The following MRPS5 variants were observed in gnomAD, a reference collection of about 807,000 sequenced individuals.
MRPS5 encodes mitochondrial ribosomal protein S5.
Under a neutral mutation model 51.9 loss-of-function variants are expected in MRPS5, and 27 were observed. The observed-to-expected ratio is 0.52, with a 90% CI of 0.38 to 0.72. The LOEUF (loss-of-function observed/expected upper bound fraction) is 0.72, where lower values mean the gene tolerates loss of function less well. Ranked by LOEUF, MRPS5 falls within the 30% of genes least tolerant of loss-of-function variation. The pLI is 0.00. For missense variants in MRPS5, 570 were observed against 545.7 expected (o/e 1.04, Z -0.44); for synonymous variants, 196 against 193.2 (o/e 1.01, Z -0.12).
intron 11 of MRPS5, among the ~76,000 whole-genome samples, 192 bp from the exon 12 acceptor site, chr2:95,087,773 G>T (rs2104388894): frequency 6.6e-6 from 1 of 152,308 alleles, no homozygotes; most frequent in Admixed American, 6.5e-5. Flanking sequence ...CTCATCTGCT[G>T]CATCTGCCCA....
intron 11 of MRPS5, 35 bp downstream of exon 11, chr2:95,090,351 T>C (rs1439902078): frequency 6.2e-7 from 1 of 1,609,950 alleles, no homozygotes; most frequent in African/African-American, 1.3e-5. Context: ...AAATACAAAC[T>C]AGAACCTCTG....
intron 11 of MRPS5, 32 bp downstream of exon 11, chr2:95,090,353 GA>G: frequency 6.2e-7 from 1 of 1,610,238 alleles, no homozygotes; most frequent in Admixed American, 1.7e-5. Flanking sequence ...ATACAAACTA[GA>G]ACCTCTGTTT....
intron 1 of MRPS5, among the ~76,000 whole-genome samples, chr2:95,121,115 C>CA (rs1031214865): frequency 3.3e-5 from 5 of 151,466 alleles, no homozygotes; most frequent in East Asian, 1.9e-4. Flanking sequence ...AAGACTGTCT[C>CA]AAAAAAACAA....
At chr2:95,115,229 A>G (rs1676252724) in intron 2 of MRPS5, 26 bp from the exon 3 acceptor site, 7 of 1,531,528 alleles carry the variant, frequency 4.6e-6, no homozygotes, top group Non-Finnish European at 6.1e-6. Context: ...TTAAACTTTG[A>G]GTTAGATGTT....
chr2:95,119,381 G>C (rs906593275), intron 1 of MRPS5, among the ~76,000 whole-genome samples: 1 of 152,138 alleles, frequency 6.6e-6, no homozygotes, highest in Admixed American at 6.5e-5. Flanking sequence ...AGACTAAGGC[G>C]GGAGGACTGC....
chr2:95,090,282 G>T (rs1486638353), intron 11 of MRPS5, 104 bp downstream of exon 11: 2 of 1,167,200 alleles, frequency 1.7e-6, no homozygotes, highest in East Asian at 4.8e-5. Flanking sequence ...TCCTCAGGTG[G>T]CCCCAGGAAA....
intron 10 of MRPS5, among the ~76,000 whole-genome samples, chr2:95,096,512 T>C (rs903567465): frequency 1.3e-5 from 2 of 152,220 alleles, no homozygotes; most frequent in African/African-American, 4.8e-5. Flanking sequence ...GCTTTATTCC[T>C]GGGATGCAAG....
chr2:95,112,918 T>C (rs1003685363), intron 3 of MRPS5, among the ~76,000 whole-genome samples: 3 of 150,730 alleles, frequency 2.0e-5, no homozygotes, highest in African/African-American at 7.3e-5. Flanking sequence ...GGCGGGAGAA[T>C]GGCATAAACC....
intron 10 of MRPS5, chr2:95,093,146 G>A (rs1285284007): frequency 6.6e-6 from 1 of 152,350 alleles, no homozygotes; most frequent in Admixed American, 6.5e-5. Context: ...AGCAGCCCTG[G>A]CTAGGGGAGG....
Position 95,115,182 on chromosome 2 carries a change from G to A in MRPS5, c.161C>T (p.Thr54Ile), listed in dbSNP as rs747161233. The change falls in exon 3 of 12, where the codon ACC (threonine) becomes ATC (isoleucine). Residue 54 changes from threonine (T) to isoleucine (I), a missense_variant. Physicochemically the swap from Thr to Ile is moderately conservative, Grantham distance 89. Coordinates refer to ENST00000272418, the MANE Select transcript of MRPS5 (RefSeq NM_031902.5). The stretch of plus-strand genomic sequence containing the variant: ...GCTGGCGTAGGGATGGGTGTCTCTG[G>A]TTCCCAGTGATGACAAATGGCCTGT... ...LGNGHLSSLG[T>I]RDTHPYASLS... The A allele has an allele frequency of 1.7e-5, 27 of 1,603,964 alleles. No individual in the cohort carries two copies. Among genetic ancestry groups the A allele is most frequent in the Admixed American group, 3.5e-5 (2 of 56,458 alleles).
chr2:95,106,359 T>TGCCAGGCCCCCC, intron 6 of MRPS5, 64 bp downstream of exon 6: 1 of 835,262 alleles, frequency 1.2e-6, no homozygotes, highest in East Asian at 2.5e-5. Flanking sequence ...TCTTGCCCTG[T>TGCCAGGCCCCCC]CCCTGCCCCA....
intron 3 of MRPS5, among the ~76,000 whole-genome samples, chr2:95,110,638 T>G (rs1676091802): frequency 6.6e-6 from 1 of 152,122 alleles, no homozygotes; most frequent in Admixed American, 6.5e-5. Context: ...CCCATCTCTA[T>G]TAAAACTTCA....
chr2:95,104,172 C>G (rs996370551), intron 7 of MRPS5: 2 of 165,036 alleles, frequency 1.2e-5, no homozygotes, highest in African/African-American at 4.9e-5. Context: ...CATAAATATA[C>G]TTTTAAAAAA....
At chr2:95,108,883 A>C (rs538947445) in intron 4 of MRPS5, among the ~76,000 whole-genome samples, 1 of 150,236 alleles carries the variant, frequency 6.7e-6, no homozygotes, top group Non-Finnish European at 1.5e-5. Flanking sequence ...TTTTTTAAAA[A>C]AGAAGATATC....
intron 10 of MRPS5, among the ~76,000 whole-genome samples, chr2:95,098,557 A>G (rs1406766482): frequency 6.6e-6 from 1 of 152,124 alleles, no homozygotes; most frequent in Admixed American, 6.6e-5. Flanking sequence ...TGAAGCTGGA[A>G]ACCATCATTC....
intron 3 of MRPS5, 56 bp downstream of exon 3, chr2:95,115,010 A>G: frequency 1.4e-6 from 2 of 1,430,838 alleles, no homozygotes; most frequent in Non-Finnish European, 1.9e-6. Context: ...AAATTCAGAT[A>G]TAAGAAATCC....
intron 7 of MRPS5, 74 bp downstream of exon 7, chr2:95,104,566 G>T: frequency 6.7e-7 from 1 of 1,491,090 alleles, no homozygotes; most frequent in Non-Finnish European, 9.4e-7. Context: ...GAGCCCATGG[G>T]CTCCACAGCA....
intron 10 of MRPS5, among the ~76,000 whole-genome samples, chr2:95,097,514 G>C (rs1675662483): frequency 6.6e-6 from 1 of 152,088 alleles, no homozygotes; most frequent in Non-Finnish European, 1.5e-5. Flanking sequence ...TAGACCAATG[G>C]AATCGAACAG....
intron 3 of MRPS5, among the ~76,000 whole-genome samples, 187 bp downstream of exon 3, chr2:95,114,879 T>C (rs915709618): frequency 1.2e-4 from 18 of 152,112 alleles, no homozygotes; most frequent in Middle Eastern, 3.2e-3. Flanking sequence ...AAACTAGTAC[T>C]CCCCAGAATA....
Sources: allele counts gnomAD v4.1 joint callset (sites outside exome capture counted in the v4.1 genomes callset), GRCh38; gene constraint gnomAD v4.1.1; transcripts MANE v1.5; gene names NCBI Gene and HGNC (gene_info 2026-07-23, HGNC 2026-07-21).